Variants in C13orf46 observed in about 807,000 individuals in gnomAD.
C13orf46 encodes uncharacterized protein C13orf46.
intron 6 of C13orf46, among the ~76,000 whole-genome samples, chr13:113,958,563 C>T (rs1281402276): frequency 6.6e-6 from 1 of 152,194 alleles, no homozygotes; most frequent in Non-Finnish European, 1.5e-5. Flanking sequence ...CGCACTCAAA[C>T]CTTGATGTGA....
chr13:113,967,797 G>A (rs2138991287), intron 4 of C13orf46, among the ~76,000 whole-genome samples: 1 of 152,242 alleles, frequency 6.6e-6, no homozygotes, highest in South Asian at 2.1e-4. Flanking sequence ...CAGCACTCCT[G>A]CCCCACAGCC....
At chr13:113,962,359 T>C (rs894280372) in intron 6 of C13orf46, among the ~76,000 whole-genome samples, 4 of 152,198 alleles carry the variant, frequency 2.6e-5, no homozygotes, top group African/African-American at 7.2e-5. Flanking sequence ...TGAGCCGAGA[T>C]GGTGCCACTG....
intron 6 of C13orf46, among the ~76,000 whole-genome samples, 192 bp downstream of exon 6, chr13:113,964,735 G>A (rs901301808): frequency 3.9e-5 from 6 of 152,182 alleles, no homozygotes; most frequent in African/African-American, 7.2e-5. Context: ...TCGAAGGTCC[G>A]ATGTCCTGTT....
chr13:113,949,355 G>T (rs2052480537), downstream of C13orf46, among the ~76,000 whole-genome samples: 1 of 152,226 alleles, frequency 6.6e-6, no homozygotes, highest in Admixed American at 6.5e-5. Flanking sequence ...TCAGGAGTGA[G>T]TGTGGGTTGC....
rs949516853 is a variant in C13orf46, at chr13:113,971,136, G to A, written c.191-914C>T. Among the ~76,000 whole-genome samples, 5 of 152,214 alleles carry A rather than the reference G, an allele frequency of 3.3e-5. No homozygotes were observed. The East Asian group carries it at 5.8e-4, about 18-fold the overall frequency. ...TCCCACAGGGCCTCCAGCCGCATCG[G>A]AGCCGGGAATGTTTGCGGAGACCCT... On this transcript the variant is annotated intron_variant, in intron 1 of 6. Transcript: ENST00000636427.
rs962617128 is a variant in C13orf46 at position 113,956,298 on chromosome 13, G to A, written c.*475C>T. On this transcript the variant is annotated 3_prime_UTR_variant, in exon 7 of 7. Coordinates refer to ENST00000636427, the MANE Select transcript of C13orf46 (RefSeq NM_001365455.2). ...GAGAGGAGGAGCATCTGGTGGAGAC[G>A]AGGAGCATCTGGTGGAGAGGAGGAG... is the stretch of plus-strand genomic sequence containing the variant. The A allele has an allele frequency of 3.8e-5, 6 of 155,892 alleles. No homozygotes were observed. Among genetic ancestry groups the A allele is most frequent in the Middle Eastern group, 3.4e-3 (1 of 298 alleles). 9.7% of individuals were successfully genotyped at this position (155,892 alleles called of 1,614,324 possible).
downstream of C13orf46, among the ~76,000 whole-genome samples, chr13:113,951,850 C>T (rs899548392): frequency 2.6e-5 from 4 of 152,248 alleles, no homozygotes; most frequent in South Asian, 2.1e-4. Context: ...TGGGGACCGG[C>T]GGCACCTGCT....
At chr13:113,945,591 G>GAGAGAA in the C13orf46 span, among the ~76,000 whole-genome samples, 3 of 114,280 alleles carry the variant, frequency 2.6e-5, no homozygotes, top group South Asian at 5.5e-4. Flanking sequence ...GAGAGAGAGA[G>GAGAGAA]AGAAAGAAAG....
chr13:113,957,635 T>TGCACTCTGCCTGCACCCCCTTTCATCAA (rs2052549609), intron 6 of C13orf46, among the ~76,000 whole-genome samples: 1 of 118,196 alleles, frequency 8.5e-6, no homozygotes, highest in Non-Finnish European at 1.7e-5. Context: ...GGGTCTCCCC[T>TGCACTCTGCCTGCACCCCCTTTCATCAA]GCACTCTGCC....
At chr13:113,940,210 G>C in the C13orf46 span, among the ~76,000 whole-genome samples, 1 of 152,198 alleles carries the variant, frequency 6.6e-6, no homozygotes, top group African/African-American at 2.4e-5. Context: ...TGTGCAGCAG[G>C]GGCCTGGGCC....
At chr13:113,969,442 C>T (rs2052681289) in intron 2 of C13orf46, among the ~76,000 whole-genome samples, 1 of 152,242 alleles carries the variant, frequency 6.6e-6, no homozygotes, top group Non-Finnish European at 1.5e-5. Flanking sequence ...GCTCCAGGCG[C>T]CGCACACATC....
At position 113,955,313 on chromosome 13, in the gene C13orf46, G is replaced by GT. The variant is rs2052516706; in HGVS notation, c.*1459_*1460insA. The GT allele has an allele frequency of 2.3e-4, 38 of 164,460 alleles. No homozygotes were observed. Among genetic ancestry groups the GT allele is most frequent in the Non-Finnish European group, 4.3e-4 (34 of 79,064 alleles). The allele number at this position is 164,460 out of a possible 1,614,324, so 10.2% of individuals were successfully genotyped here. On this transcript the variant is annotated 3_prime_UTR_variant, in exon 7 of 7. Coordinates refer to ENST00000636427, the MANE Select transcript of C13orf46 (RefSeq NM_001365455.2). ...GAGAGGAGTAGTATCTGGCAGAGAG[G>GT]AGTAGTATCTGGTGGAGAGGAGGAG... is the stretch of plus-strand genomic sequence containing the variant.
At chr13:113,948,417 G>A in the C13orf46 span, among the ~76,000 whole-genome samples, 3 of 152,228 alleles carry the variant, frequency 2.0e-5, no homozygotes, top group Non-Finnish European at 2.9e-5. Flanking sequence ...AAAGCTACAT[G>A]AGAAAGTTAA....
the C13orf46 span, among the ~76,000 whole-genome samples, chr13:113,934,439 A>G: frequency 6.6e-6 from 1 of 152,234 alleles, no homozygotes. Flanking sequence ...ATGCATGGGC[A>G]AGGGTGTGGG....
chr13:113,930,076 T>G, the C13orf46 span, among the ~76,000 whole-genome samples: 6 of 152,346 alleles, frequency 3.9e-5, no homozygotes, highest in East Asian at 9.6e-4. Context: ...GCAGATTTGA[T>G]GCCCGGCAGC....
chr13:113,955,946 GCGGAGACGAGGAGGAGCA>G lies in C13orf46; in HGVS notation c.*809_*826del, dbSNP rs2052527020. ...ATCTCGCGGAGACGAGGAGCATCTGGCGGAGACGAGGAGGAGCATCTGGCGGAGACGAGGAGTAGGATC... is the reference window on the plus strand; with the variant it reads ...ATCTCGCGGAGACGAGGAGCATCTGGTCTGGCGGAGACGAGGAGTAGGATC... On this transcript the variant is annotated 3_prime_UTR_variant, in exon 7 of 7. Coordinates refer to ENST00000636427, the MANE Select transcript of C13orf46 (RefSeq NM_001365455.2). 5.1e-5 allele frequency: 8 copies of G among 155,892 alleles called. No individual in the cohort carries two copies. The highest frequency in any genetic ancestry group is 3.3e-4 in the Admixed American group (5 of 15,118). 9.7% of individuals were successfully genotyped at this position (155,892 alleles called of 1,614,324 possible).
chr13:113,962,961 G>T (rs1188809261), intron 6 of C13orf46, among the ~76,000 whole-genome samples: 1 of 152,212 alleles, frequency 6.6e-6, no homozygotes, highest in Non-Finnish European at 1.5e-5. Flanking sequence ...ACTCTGCTGA[G>T]TTGGGGCAGA....
At position 113,971,441 on chromosome 13, in the gene C13orf46, G is replaced by A. The variant is rs563556324; in HGVS notation, c.191-1219C>T. Among the ~76,000 whole-genome samples the A allele has an allele frequency of 2.6e-5, 4 of 152,366 alleles. No individual in the cohort carries two copies. In the East Asian group the frequency reaches 7.7e-4, roughly 29 times the overall value. Reference sequence around the variant, plus strand: ...GAGAAGCCACGAGTGGGGCCCAGAGGTGGAGCGCAGAGCCTTTGCAGAATC... The same window carrying A: ...GAGAAGCCACGAGTGGGGCCCAGAGATGGAGCGCAGAGCCTTTGCAGAATC... On this transcript the variant is annotated intron_variant, in intron 1 of 6. Coordinates refer to ENST00000636427, the MANE Select transcript of C13orf46 (RefSeq NM_001365455.2).
At chr13:113,968,338 A>G (rs1410747347) in intron 4 of C13orf46, 129 bp downstream of exon 4, 3 of 152,386 alleles carry the variant, frequency 2.0e-5, no homozygotes, top group Non-Finnish European at 4.4e-5. Context: ...CAGTCAGTCC[A>G]GCTTCACAGC....
Sources: allele counts gnomAD v4.1 joint callset (sites outside exome capture counted in the v4.1 genomes callset), GRCh38; gene constraint gnomAD v4.1.1; transcripts MANE v1.5; gene names NCBI Gene and HGNC (gene_info 2026-07-23, HGNC 2026-07-21).